Variants in HNF4A observed in about 807,000 individuals in gnomAD.
HNF4A encodes hepatocyte nuclear factor 4 alpha.
A neutral mutation model predicts 52.4 loss-of-function variants in HNF4A; 15 were observed. The ratio of observed to expected loss-of-function variants is 0.29; its 90% CI spans 0.19 to 0.44. The LOEUF (loss-of-function observed/expected upper bound fraction) is 0.44, where lower values mean the gene tolerates loss of function less well. Among genes scored for constraint, HNF4A ranks in the 20% least tolerant of loss-of-function variants. The probability of loss-of-function intolerance (pLI) is 1.00; values close to 1 mark genes in which losing one functional copy is unlikely to be tolerated. For synonymous variants in HNF4A, 280 were observed against 264.4 expected (o/e 1.06, Z -0.57); for missense variants, 479 against 647.2 (o/e 0.74, Z 2.82).
At chr20:44,419,666 G>A in intron 6 of HNF4A, 55 bp from the exon 7 acceptor site, 2 of 1,577,128 alleles carry the variant, frequency 1.3e-6, no homozygotes, top group Non-Finnish European at 1.7e-6. Context: ...AAAACTAGAG[G>A]AGAGGGGTCA....
chr20:44,395,117 A>G (rs2063341225), intron 1 of HNF4A, among the ~76,000 whole-genome samples: 1 of 152,226 alleles, frequency 6.6e-6, no homozygotes, highest in Non-Finnish European at 1.5e-5. Context: ...AATGCCACTC[A>G]TGGTCTGTGA....
intron 5 of HNF4A, among the ~76,000 whole-genome samples, chr20:44,417,968 C>CAA (rs544063850): frequency 2.4e-4 from 18 of 74,408 alleles, no homozygotes; most frequent in East Asian, 3.7e-4. Flanking sequence ...GACTCTGTCT[C>CAA]AAAAAAAAAA....
At chr20:44,427,819 A>G (rs1391571296) in intron 8 of HNF4A, among the ~76,000 whole-genome samples, 1 of 152,214 alleles carries the variant, frequency 6.6e-6, no homozygotes, top group East Asian at 1.9e-4. Context: ...TGGACATGGA[A>G]CAGGTTTGGG....
At chr20:44,388,381 A>ACCCCCCCC (rs1227407354) in intron 1 of HNF4A, among the ~76,000 whole-genome samples, 1 of 76,222 alleles carries the variant, frequency 1.3e-5, no homozygotes, top group African/African-American at 9.6e-5. Flanking sequence ...GACCCCCCCC[A>ACCCCCCCC]CCCCCGTACA....
intron 1 of HNF4A, among the ~76,000 whole-genome samples, chr20:44,376,531 C>T (rs2063087794): frequency 6.6e-6 from 1 of 152,014 alleles, no homozygotes; most frequent in Non-Finnish European, 1.5e-5. Flanking sequence ...TCAAATCTTA[C>T]TACATGACCA....
chr20:44,408,997 T>C (rs1398275527), intron 3 of HNF4A, among the ~76,000 whole-genome samples: 1 of 152,000 alleles, frequency 6.6e-6, no homozygotes, highest in African/African-American at 2.4e-5. Context: ...GTAGACTCTC[T>C]TTCCCCTGTA....
chr20:44,365,447 G>A (rs1308269754), intron 1 of HNF4A, among the ~76,000 whole-genome samples: 1 of 151,950 alleles, frequency 6.6e-6, no homozygotes, highest in African/African-American at 2.4e-5. Context: ...CGGGATTACA[G>A]GTGTGAGCTA....
chr20:44,389,124 A>T (rs1300198319), intron 1 of HNF4A, among the ~76,000 whole-genome samples: 1 of 152,214 alleles, frequency 6.6e-6, no homozygotes, highest in Admixed American at 6.5e-5. Flanking sequence ...GAACTTTTGC[A>T]AAGTGGCATC....
At chr20:44,398,118 G>A (rs766719551), upstream of HNF4A, among the ~76,000 whole-genome samples, 9 of 152,222 alleles carry the variant, frequency 5.9e-5, no homozygotes, top group Non-Finnish European at 1.5e-5. Flanking sequence ...GCAGACCAAA[G>A]TGTGCTTATT....
intron 3 of HNF4A, among the ~76,000 whole-genome samples, chr20:44,407,811 C>T (rs2063524751): frequency 6.7e-6 from 1 of 149,650 alleles, no homozygotes. Flanking sequence ...ATATTTCGAA[C>T]GTTAGGACAA....
At chr20:44,406,349 A>G (rs929098994) in intron 2 of HNF4A, 117 bp downstream of exon 2, 3 of 850,978 alleles carry the variant, frequency 3.5e-6, no homozygotes, top group Non-Finnish European at 5.7e-6. Context: ...AGGGCCTTCA[A>G]GGCTCTTCTG....
At chr20:44,401,092 C>T (rs943577566), upstream of HNF4A, among the ~76,000 whole-genome samples, 4 of 151,996 alleles carry the variant, frequency 2.6e-5, no homozygotes, top group Non-Finnish European at 5.9e-5. Flanking sequence ...ATTAGCACCC[C>T]GGGTGTCAGC....
At chr20:44,392,585 C>G (rs1342761406) in intron 1 of HNF4A, among the ~76,000 whole-genome samples, 1 of 152,200 alleles carries the variant, frequency 6.6e-6, no homozygotes, top group African/African-American at 2.4e-5. Flanking sequence ...TTCAAGTAAA[C>G]CTCCCATCTC....
At chr20:44,416,045 C>T (rs1423334394) in intron 5 of HNF4A, among the ~76,000 whole-genome samples, 1 of 152,176 alleles carries the variant, frequency 6.6e-6, no homozygotes, top group African/African-American at 2.4e-5. Context: ...CCCACCCAAA[C>T]CTCCCTGGCT....
intron 1 of HNF4A, among the ~76,000 whole-genome samples, chr20:44,360,616 A>G (rs1328203582): frequency 6.6e-6 from 1 of 152,224 alleles, no homozygotes; most frequent in Admixed American, 6.5e-5. Flanking sequence ...CTGGAATAGC[A>G]GCATCTTCAA....
Position 44,413,715 on chromosome 20 carries a change from G to A in HNF4A, c.407G>A (p.Arg136Gln), listed in dbSNP as rs149611886. The A allele has an allele frequency of 6.0e-5, 96 of 1,613,446 alleles. No individual in the cohort carries two copies. Among genetic ancestry groups the A allele is most frequent in the Non-Finnish European group, 7.4e-5 (87 of 1,179,840 alleles). Residue 136 changes from arginine (R) to glutamine (Q), a missense_variant, in exon 4 of 10, where the codon CGG (arginine) becomes CAG (glutamine). Coordinates refer to ENST00000316099, the MANE Select transcript of HNF4A (RefSeq NM_000457.6). ...ACAGCCGTCCAGAATGAGCGGGACCGGATCAGCACTCGAAGGTCAAGCTAT... is the reference window on the plus strand; with the variant it reads ...ACAGCCGTCCAGAATGAGCGGGACCAGATCAGCACTCGAAGGTCAAGCTAT...
intron 1 of HNF4A, among the ~76,000 whole-genome samples, chr20:44,364,203 T>C (rs1006783269): frequency 3.7e-4 from 57 of 152,094 alleles, no homozygotes; most frequent in African/African-American, 1.3e-3. Context: ...GACTTTTGTA[T>C]ATTTCTTTTT....
chr20:44,422,752 T>C (rs1220166666), intron 7 of HNF4A, among the ~76,000 whole-genome samples: 1 of 151,368 alleles, frequency 6.6e-6, no homozygotes, highest in Non-Finnish European at 1.5e-5. Context: ...CCGTCTTGGC[T>C]CACTGCGACC....
At chr20:44,434,496 CT>C (rs1276572822), downstream of HNF4A, 8 of 142,830 alleles carry the variant, frequency 5.6e-5, no homozygotes, top group Non-Finnish European at 1.2e-4. Flanking sequence ...CTTGTTCATG[CT>C]GCCGCCATCG....
Sources: allele counts gnomAD v4.1 joint callset (sites outside exome capture counted in the v4.1 genomes callset), GRCh38; gene constraint gnomAD v4.1.1; transcripts MANE v1.5; gene names NCBI Gene and HGNC (gene_info 2026-07-23, HGNC 2026-07-21).